Variants in NKAIN2 observed in about 807,000 individuals in gnomAD.
NKAIN2 encodes sodium/potassium-transporting ATPase subunit beta-1-interacting protein 2.
NKAIN2 carries 14 observed loss-of-function variants against 32.6 expected under a neutral mutation model. The observed-to-expected ratio is 0.43, with a 90% CI of 0.28 to 0.67. The LOEUF is 0.67. Among genes scored for constraint, NKAIN2 ranks in the 30% least tolerant of loss-of-function variants. The pLI, the probability that NKAIN2 is intolerant of heterozygous loss-of-function variation, is 0.17. For missense variants in NKAIN2, 198 were observed against 258.3 expected (o/e 0.77, Z 1.60); for synonymous variants, 80 against 87.2 (o/e 0.92, Z 0.46).
intron 1 of NKAIN2, among the ~76,000 whole-genome samples, chr6:124,261,864 C>A (rs1195712343): frequency 4.0e-4 from 53 of 133,946 alleles, no homozygotes; most frequent in Middle Eastern, 3.7e-3. Context: ...TTCCATCTCA[C>A]ACAAAAAAAA....
At chr6:124,675,853 T>C (rs1370603870) in intron 4 of NKAIN2, among the ~76,000 whole-genome samples, 1 of 151,988 alleles carries the variant, frequency 6.6e-6, no homozygotes, top group Non-Finnish European at 1.5e-5. Context: ...TACTACTTCC[T>C]TCCTTCTGTT....
intron 1 of NKAIN2, among the ~76,000 whole-genome samples, chr6:124,115,200 G>C (rs1344676491): frequency 6.6e-6 from 1 of 152,120 alleles, no homozygotes; most frequent in Non-Finnish European, 1.5e-5. Flanking sequence ...TTAGTTGACT[G>C]TGAACTTAGT....
intron 3 of NKAIN2, among the ~76,000 whole-genome samples, chr6:124,517,672 C>A (rs539219027): frequency 6.6e-6 from 1 of 151,914 alleles, no homozygotes; most frequent in Non-Finnish European, 1.5e-5. Flanking sequence ...AAGTTATAAC[C>A]GTAAACTTCT....
At chr6:124,151,317 A>G (rs897327785) in intron 1 of NKAIN2, among the ~76,000 whole-genome samples, 1 of 152,074 alleles carries the variant, frequency 6.6e-6, no homozygotes, top group African/African-American at 2.4e-5. Context: ...TCAGAAGTAT[A>G]CAACAGATCA....
intron 4 of NKAIN2, among the ~76,000 whole-genome samples, chr6:124,717,451 G>A (rs888105965): frequency 1.2e-4 from 18 of 152,124 alleles, no homozygotes; most frequent in Non-Finnish European, 2.4e-4. Flanking sequence ...TATTCAGTGG[G>A]ATTTCTGGTC....
At chr6:123,807,168 A>G (rs1773252362) in intron 1 of NKAIN2, among the ~76,000 whole-genome samples, 2 of 152,096 alleles carry the variant, frequency 1.3e-5, no homozygotes, top group South Asian at 4.1e-4. Context: ...CTTCTCAAAA[A>G]TCAGGAGATC....
Position 124,658,212 on chromosome 6 carries a change from T to A in NKAIN2, c.300T>A (p.Asn100Lys). 6.2e-7 allele frequency: 1 copy of A among 1,609,800 alleles called. No individual in the cohort carries two copies. The highest frequency in any genetic ancestry group is 1.7e-4 in the Middle Eastern group (1 of 5,974). Residue 100 changes from asparagine (N) to lysine (K), a missense_variant, in exon 4 of 7, where the codon AAT (asparagine) becomes AAA (lysine). Physicochemically the swap from Asn to Lys is moderately conservative, Grantham distance 94. Transcript: ENST00000368417. ...AAACAGACCTTATCCTGACTTTTAA[T>A]ATATCAATGCACCGATCTTGGTGGA... Reference protein sequence around the residue: ...SKETDLILTFNISMHRSWWME... With the variant: ...SKETDLILTFKISMHRSWWME...
chr6:124,380,482 C>G (rs995816185), intron 3 of NKAIN2, among the ~76,000 whole-genome samples: 1 of 152,126 alleles, frequency 6.6e-6, no homozygotes, highest in Non-Finnish European at 1.5e-5. Flanking sequence ...ATTGAGTGTG[C>G]CATCCAGGAT....
chr6:124,470,324 T>G (rs1562204884), intron 3 of NKAIN2, among the ~76,000 whole-genome samples: 2 of 151,994 alleles, frequency 1.3e-5, no homozygotes, highest in Non-Finnish European at 2.9e-5. Flanking sequence ...TAACTCAAGA[T>G]AAATAATTCA....
chr6:124,674,561 AC>A (rs1308611482), intron 4 of NKAIN2, among the ~76,000 whole-genome samples: 1 of 151,998 alleles, frequency 6.6e-6, no homozygotes, highest in Non-Finnish European at 1.5e-5. Context: ...TTTTCAGGGT[AC>A]AAGCCTTTCA....
chr6:124,588,280 G>C (rs566907645), intron 3 of NKAIN2, among the ~76,000 whole-genome samples: 1 of 152,056 alleles, frequency 6.6e-6, no homozygotes. Flanking sequence ...TTGTAATTTA[G>C]TTTATTCATC....
intron 2 of NKAIN2, among the ~76,000 whole-genome samples, chr6:124,345,743 T>C (rs1390972159): frequency 6.6e-6 from 1 of 152,042 alleles, no homozygotes; most frequent in African/African-American, 2.4e-5. Flanking sequence ...TTATTAGTCT[T>C]GCTAGCGGTC....
chr6:124,817,622 C>T (rs1781224660), intron 5 of NKAIN2, among the ~76,000 whole-genome samples: 1 of 152,138 alleles, frequency 6.6e-6, no homozygotes, highest in South Asian at 2.1e-4. Flanking sequence ...CCAGAAATGT[C>T]TGCCCATGTT....
At chr6:124,262,508 A>G (rs1794300119) in intron 1 of NKAIN2, among the ~76,000 whole-genome samples, 1 of 152,222 alleles carries the variant, frequency 6.6e-6, no homozygotes, top group Non-Finnish European at 1.5e-5. Flanking sequence ...AATGCACACC[A>G]GATATTGAAA....
intron 1 of NKAIN2, among the ~76,000 whole-genome samples, chr6:124,240,448 A>G (rs1212029765): frequency 6.6e-6 from 1 of 152,196 alleles, no homozygotes; most frequent in African/African-American, 2.4e-5. Context: ...ACAAAAAAAG[A>G]AAATTTCAAG....
intron 1 of NKAIN2, among the ~76,000 whole-genome samples, chr6:124,198,416 GC>G (rs1790428411): frequency 6.6e-6 from 1 of 151,230 alleles, no homozygotes. Flanking sequence ...TTCTCAGTAT[GC>G]CTTTCACTCT....
At chr6:124,215,869 G>A (rs192590503) in intron 1 of NKAIN2, among the ~76,000 whole-genome samples, 2,928 of 152,232 alleles carry the variant, frequency 0.019, 38 homozygotes, top group Non-Finnish European at 0.029. Context: ...TGTAATCCCA[G>A]CACTTTGGGA....
intron 2 of NKAIN2, among the ~76,000 whole-genome samples, chr6:124,331,051 C>T (rs1797629005): frequency 6.6e-6 from 1 of 152,078 alleles, no homozygotes; most frequent in Non-Finnish European, 1.5e-5. Flanking sequence ...GACCGCTGCC[C>T]TACAGCATCT....
chr6:124,726,076 G>A (rs1262160478), intron 4 of NKAIN2, among the ~76,000 whole-genome samples: 2 of 152,204 alleles, frequency 1.3e-5, no homozygotes, highest in African/African-American at 4.8e-5. Context: ...GAGTCTCGCT[G>A]ATTGCTAGCA....
Sources: gnomAD v4.1 joint callset for allele counts (sites outside exome capture counted in the v4.1 genomes callset) on GRCh38, gnomAD v4.1.1 for gene constraint, MANE v1.5 for transcripts, NCBI Gene and HGNC (gene_info 2026-07-23, HGNC 2026-07-21) for gene names.